Variants in SCRG1 observed in about 807,000 individuals in gnomAD.
The protein encoded by SCRG1 is scrapie-responsive protein 1.
A neutral mutation model predicts 7.7 loss-of-function variants in SCRG1; 3 were observed. The ratio of observed to expected loss-of-function variants is 0.39; its 90% CI spans 0.18 to 1.01. The LOEUF is 1.01. SCRG1 is among the 50% of genes least tolerant of loss of function. The pLI is 0.36. For synonymous variants in SCRG1, 46 were observed against 41.2 expected (o/e 1.12, Z -0.44); for missense variants, 110 against 117.2 (o/e 0.94, Z 0.28).
the SCRG1 span, among the ~76,000 whole-genome samples, chr4:173,460,333 G>A: frequency 1.3e-5 from 2 of 152,170 alleles, no homozygotes; most frequent in African/African-American, 4.8e-5. Flanking sequence ...CACCAGCTGG[G>A]GCAGCCAAAG....
At chr4:173,409,076 C>CAAA (rs1739985007), upstream of SCRG1, among the ~76,000 whole-genome samples, 1 of 150,532 alleles carries the variant, frequency 6.6e-6, no homozygotes, top group African/African-American at 2.4e-5. Context: ...ATGGGATTTT[C>CAAA]TTTCCTGACC....
upstream of SCRG1, among the ~76,000 whole-genome samples, chr4:173,403,747 C>A (rs2126923571): frequency 6.6e-6 from 1 of 152,266 alleles, no homozygotes; most frequent in South Asian, 2.1e-4. Context: ...AGTTTCCTGG[C>A]AGTCTCTAAG....
chr4:173,454,211 A>C, the SCRG1 span, among the ~76,000 whole-genome samples: 2 of 152,172 alleles, frequency 1.3e-5, no homozygotes, highest in African/African-American at 4.8e-5. Context: ...AAGACAGGCA[A>C]TGCAGTTGAA....
At chr4:173,505,258 T>C in the SCRG1 span, among the ~76,000 whole-genome samples, 1 of 152,110 alleles carries the variant, frequency 6.6e-6, no homozygotes, top group African/African-American at 2.4e-5. The surrounding 1 kb of genome is among the most constrained non-coding windows in gnomAD (Gnocchi z 4.4). Flanking sequence ...CAGGGATGAG[T>C]GTGGCTTTCA....
At chr4:173,511,355 A>G in the SCRG1 span, among the ~76,000 whole-genome samples, 4 of 152,096 alleles carry the variant, frequency 2.6e-5, no homozygotes, top group Admixed American at 2.0e-4. The surrounding 1 kb of genome is among the most constrained non-coding windows in gnomAD (Gnocchi z 5.2). Flanking sequence ...GGCCTGCTCA[A>G]TTAACCGGCC....
rs150711915 is a variant in SCRG1 at position 173,386,282 on chromosome 4, C to T, written c.*2059G>A. 4,398 of 152,456 alleles carry T rather than the reference C, an allele frequency of 0.029. 88 individuals carry two copies. Among genetic ancestry groups the T allele is most frequent in the Middle Eastern group, 0.05 (15 of 298 alleles). 9.4% of individuals were successfully genotyped at this position (152,456 alleles called of 1,614,324 possible). On this transcript the variant is annotated 3_prime_UTR_variant, in exon 3 of 3. Coordinates refer to ENST00000296506, the MANE Select transcript of SCRG1 (RefSeq NM_007281.4). ...CCCAAATAGCTGGGACTAGAGGCGC[C>T]TGCCACCACGCCCAGCTAATTTTTT...
At chr4:173,400,736 C>T (rs1016210459), upstream of SCRG1, among the ~76,000 whole-genome samples, 12 of 152,138 alleles carry the variant, frequency 7.9e-5, no homozygotes, top group Admixed American at 2.0e-4. Flanking sequence ...ATTTTATAAA[C>T]GAGGGGAACA....
the SCRG1 span, among the ~76,000 whole-genome samples, chr4:173,513,782 C>T: frequency 6.6e-6 from 1 of 152,164 alleles, no homozygotes. Flanking sequence ...TATTCTAAAA[C>T]CATAGAGATG....
chr4:173,457,439 C>T, the SCRG1 span, among the ~76,000 whole-genome samples: 1 of 152,034 alleles, frequency 6.6e-6, no homozygotes, highest in African/African-American at 2.4e-5. Context: ...AAAAGAAAAG[C>T]TTTTTTTGTC....
chr4:173,483,815 T>TC, the SCRG1 span, among the ~76,000 whole-genome samples: 4 of 79,888 alleles, frequency 5.0e-5, 1 homozygote, highest in East Asian at 7.6e-4. Context: ...TGATATGTAA[T>TC]ATATATAATA....
the SCRG1 span, among the ~76,000 whole-genome samples, chr4:173,492,093 G>A: frequency 6.6e-6 from 1 of 152,152 alleles, no homozygotes; most frequent in African/African-American, 2.4e-5. Context: ...TTGTGTGACT[G>A]CCCTCCAGCC....
chr4:173,478,372 A>AAAAAAAC, the SCRG1 span, among the ~76,000 whole-genome samples: 1 of 152,066 alleles, frequency 6.6e-6, no homozygotes, highest in Non-Finnish European at 1.5e-5. Context: ...TTGATGGAAG[A>AAAAAAAC]AAAAAACAAA....
intron 1 of SCRG1, among the ~76,000 whole-genome samples, chr4:173,393,776 T>TA (rs1739515771): frequency 8.1e-6 from 1 of 124,178 alleles, no homozygotes; most frequent in South Asian, 2.5e-4. Flanking sequence ...CAATATTTGT[T>TA]TTATATATAT....
At position 173,387,490 on chromosome 4, in the gene SCRG1, T is replaced by G. The variant is rs1040909039; in HGVS notation, c.*851A>C. 8.6e-5 allele frequency: 13 copies of G among 152,042 alleles called. No homozygotes were observed. Among genetic ancestry groups the G allele is most frequent in the African/African-American group, 3.1e-4 (13 of 41,364 alleles). 9.4% of individuals were successfully genotyped at this position (152,042 alleles called of 1,614,324 possible). A position where few individuals can be genotyped will look rare whatever the true frequency, so the allele number is the denominator to read the frequency against. ...CCTCCCAAATAGCTGGGACTACAGG[T>G]GCATGCCGCCATGCAGCTAATTTTT... On this transcript the variant is annotated 3_prime_UTR_variant, in exon 3 of 3. Transcript: ENST00000296506.
At chr4:173,449,165 C>A in the SCRG1 span, among the ~76,000 whole-genome samples, 1 of 152,200 alleles carries the variant, frequency 6.6e-6, no homozygotes, top group Non-Finnish European at 1.5e-5. Context: ...TAACACATCT[C>A]AGGGAAGCAG....
At chr4:173,503,792 G>A in the SCRG1 span, among the ~76,000 whole-genome samples, 379 of 152,200 alleles carry the variant, frequency 2.5e-3, 1 homozygote, top group African/African-American at 8.8e-3. The surrounding 1 kb of genome is among the most constrained non-coding windows in gnomAD (Gnocchi z 6.4). Context: ...TTACATCTTC[G>A]CGATGTCCCT....
At chr4:173,484,139 ATAGAATATAGAATATTTTC>A in the SCRG1 span, among the ~76,000 whole-genome samples, 14 of 17,356 alleles carry the variant, frequency 8.1e-4, no homozygotes, top group Admixed American at 0.012. Context: ...AATATATAAT[ATAGAATATAGAATATTTTC>A]TACATTATAT....
chr4:173,448,370 C>G, the SCRG1 span, among the ~76,000 whole-genome samples: 1 of 152,338 alleles, frequency 6.6e-6, no homozygotes, highest in African/African-American at 2.4e-5. Context: ...TGCTCCAACC[C>G]TATGACATGG....
At chr4:173,422,445 T>C in the SCRG1 span, among the ~76,000 whole-genome samples, 4 of 152,202 alleles carry the variant, frequency 2.6e-5, no homozygotes, top group Non-Finnish European at 5.9e-5. Flanking sequence ...GTGACTTCTA[T>C]ATTCAGGGTC....
Sources: allele counts gnomAD v4.1 joint callset (sites outside exome capture counted in the v4.1 genomes callset), GRCh38; gene constraint gnomAD v4.1.1; non-coding constraint Gnocchi (gnomAD v3.1); transcripts MANE v1.5; gene names NCBI Gene and HGNC (gene_info 2026-07-23, HGNC 2026-07-21).